The following CACNA2D4 variants were observed in gnomAD, a reference collection of about 807,000 sequenced individuals.
CACNA2D4 encodes the protein voltage-dependent calcium channel subunit alpha-2/delta-4.
In CACNA2D4, 157 loss-of-function variants were observed where a neutral mutation model predicts 163.8. The observed-to-expected ratio is 0.96, with a 90% confidence interval of 0.84 to 1.09. CACNA2D4 has a LOEUF of 1.09. Ranked by LOEUF, CACNA2D4 falls within the 50% of genes least tolerant of loss-of-function variation. The probability of loss-of-function intolerance (pLI) is 0.00; values close to 1 mark genes in which losing one functional copy is unlikely to be tolerated. For synonymous variants in CACNA2D4, 598 were observed against 586.9 expected, an observed-to-expected ratio of 1.02 and a Z score of -0.27; for missense variants, 1,410 against 1,479.9, an observed-to-expected ratio of 0.95 and a Z score of 0.78.
Position 1,800,447 on chromosome 12 carries a change from G to T in CACNA2D4, c.2869-9C>A. On this transcript the variant is annotated splice_polypyrimidine_tract_variant and intron_variant, in intron 31 of 37. Coordinates refer to ENST00000382722, the MANE Select transcript of CACNA2D4 (RefSeq NM_172364.5). ...AAGAAGGCAGAAATTGGCTGGGAAGGAGAGAGTGCACACCGCTCGCACCTA... is the reference window on the plus strand; with the variant it reads ...AAGAAGGCAGAAATTGGCTGGGAAGTAGAGAGTGCACACCGCTCGCACCTA... 6.2e-7 allele frequency: 1 copy of T among 1,613,748 alleles called. No individual in the cohort carries two copies. The highest frequency in any genetic ancestry group is 8.5e-7 in the Non-Finnish European group (1 of 1,179,776).
At chr12:1,796,969 C>T (rs1015400556) in intron 35 of CACNA2D4, among the ~76,000 whole-genome samples, 3 of 152,204 alleles carry the variant, frequency 2.0e-5, no homozygotes, top group Admixed American at 1.3e-4. Flanking sequence ...CGCACACTTC[C>T]GGCCTTCTCT....
intron 37 of CACNA2D4, 33 bp downstream of exon 37, chr12:1,795,266 T>C (rs764726939): frequency 7.2e-5 from 116 of 1,601,428 alleles, no homozygotes; most frequent in Non-Finnish European, 9.6e-5. Context: ...GGGATGAAAA[T>C]CCAGCCCACC....
chr12:1,799,681 G>A lies in CACNA2D4; in HGVS notation c.2989C>T (p.His997Tyr). The A allele has an allele frequency of 2.5e-6, 4 of 1,572,264 alleles. No individual in the cohort carries two copies. The highest frequency in any genetic ancestry group is 3.5e-6 in the Non-Finnish European group (4 of 1,159,054). ...CCTCAGCTGGGCTACTTACAGTGAT[G>A]GAAGACACTTTTGGCTGGCCGGAAC... ...DRGAEAKSVF[H>Y]HSHKHKKQDP... The change falls in exon 34 of 38, where the codon CAT becomes TAT. Residue 997 changes from histidine (H) to tyrosine (Y), a missense_variant. Coordinates refer to ENST00000382722, the MANE Select transcript of CACNA2D4 (RefSeq NM_172364.5). The surrounding 1 kb of genome is among the most constrained non-coding windows in gnomAD (Gnocchi z 4.7).
chr12:1,842,290 CACTG>C (rs1312056371), intron 25 of CACNA2D4, among the ~76,000 whole-genome samples: 1 of 152,182 alleles, frequency 6.6e-6, no homozygotes, highest in African/African-American at 2.4e-5. Context: ...GGTTTCTAGG[CACTG>C]ACTGCACAAT....
chr12:1,794,600 CACTCA>C (rs1271500263), intron 37 of CACNA2D4, among the ~76,000 whole-genome samples: 1 of 152,132 alleles, frequency 6.6e-6, no homozygotes, highest in Non-Finnish European at 1.5e-5. Flanking sequence ...TAGCGTGGCT[CACTCA>C]ACTCAGGAAG....
chr12:1,844,317 C>T lies in CACNA2D4; in HGVS notation c.2470+85G>A. ...GACATTCTATTCCATATCTCGTTCC[C>T]ATTTCCCACTAAGAGCACAGCAGGA... On this transcript the variant is annotated intron_variant, in intron 25 of 37. Transcript: ENST00000382722. The surrounding 1 kb of genome is among the most constrained non-coding windows in gnomAD (Gnocchi z 4.2). The T allele has an allele frequency of 4.0e-6, 6 of 1,495,462 alleles. No individual in the cohort carries two copies. The highest frequency in any genetic ancestry group is 5.5e-6 in the Non-Finnish European group (6 of 1,095,136). 92.6% of individuals were successfully genotyped at this position (1,495,462 alleles called of 1,614,324 possible). A position where few individuals can be genotyped will look rare whatever the true frequency, so the allele number is the denominator to read the frequency against.
intron 3 of CACNA2D4, among the ~76,000 whole-genome samples, chr12:1,910,259 G>A (rs1866781154): frequency 6.6e-6 from 1 of 152,268 alleles, no homozygotes; most frequent in Non-Finnish European, 1.5e-5. Flanking sequence ...GGGAGATAGA[G>A]AAGATAAGTG....
intron 20 of CACNA2D4, among the ~76,000 whole-genome samples, chr12:1,858,009 G>A (rs1008616015): frequency 6.6e-6 from 1 of 152,206 alleles, no homozygotes; most frequent in Non-Finnish European, 1.5e-5. Flanking sequence ...AAGACGAGGA[G>A]CACCTGAGGC....
intron 26 of CACNA2D4, chr12:1,823,420 GGCT>G (rs143159259): frequency 0.037 from 5,659 of 152,430 alleles, 198 homozygotes; most frequent in African/African-American, 0.086. Flanking sequence ...GAGTGCGTGC[GGCT>G]GTTCCGTGCT....
At chr12:1,850,477 A>C (rs970361014) in intron 23 of CACNA2D4, among the ~76,000 whole-genome samples, 3 of 152,228 alleles carry the variant, frequency 2.0e-5, no homozygotes, top group Non-Finnish European at 2.9e-5. Context: ...CTTTGTCGTG[A>C]ATACATAATA....
At position 1,856,064 on chromosome 12, in the gene CACNA2D4, G is replaced by A; in HGVS notation, c.2100C>T (p.Ser700=). The A allele has an allele frequency of 6.2e-7, 1 of 1,614,022 alleles. No homozygotes were observed. Among genetic ancestry groups the A allele is most frequent in the African/African-American group, 1.3e-5 (1 of 75,060 alleles). Residue 700 remains serine, a synonymous_variant, in exon 22 of 38, where the codon AGC becomes AGT. Coordinates refer to ENST00000382722, the MANE Select transcript of CACNA2D4 (RefSeq NM_172364.5). The part of the protein sequence containing the change: ...TDIDPDHRKL[S]QLEAMIRFLT... ...GGAAGCGGATCATGGCCTCTAGCTG[G>A]CTGAGCTTCCGGTGGTCTGGGTCAA... is the stretch of plus-strand genomic sequence containing the variant.
intron 26 of CACNA2D4, among the ~76,000 whole-genome samples, chr12:1,815,952 C>T (rs1027935828): frequency 5.3e-5 from 8 of 152,196 alleles, no homozygotes; most frequent in South Asian, 2.1e-4. Flanking sequence ...CGGTGAGGCA[C>T]GGAAATATAT....
In CACNA2D4 at chr12:1,799,430, C is replaced by T. The variant is rs1022581535; in HGVS notation, c.2995+245G>A. On this transcript the variant is annotated intron_variant, in intron 34 of 37. Transcript: ENST00000382722. This position sits in a 1 kb window ranked among gnomAD's most constrained non-coding sequence, Gnocchi z 4.7. ...CCACCGGCTTCCTCTTGGAATCTTACGTGTTCTCACCCAAGGGGAGGCTGG... is the reference window on the plus strand; with the variant it reads ...CCACCGGCTTCCTCTTGGAATCTTATGTGTTCTCACCCAAGGGGAGGCTGG... 4.6e-5 allele frequency among the ~76,000 whole-genome samples: 7 copies of T among 152,332 alleles called. No individual in the cohort carries two copies. Among genetic ancestry groups the T allele is most frequent in the South Asian group, 2.1e-4 (1 of 4,830 alleles).
In CACNA2D4 at chr12:1,856,022, T is replaced by C; in HGVS notation, c.2142A>G (p.Pro714=). 1.2e-6 allele frequency: 2 copies of C among 1,613,608 alleles called. No individual in the cohort carries two copies. Among genetic ancestry groups the C allele is most frequent in the East Asian group, 4.5e-5 (2 of 44,886 alleles). ...GCGGCCAGCACTCACACTCCAGGTC[T>C]GGGTCCTTCCTGGTGAGGAAGCGGA... ...AMIRFLTRKD[P]DLECDEELVR... The change falls in exon 22 of 38, where the codon CCA becomes CCG. Residue 714 remains proline, a synonymous_variant. Coordinates refer to ENST00000382722, the MANE Select transcript of CACNA2D4 (RefSeq NM_172364.5).
At chr12:1,864,948 C>T (rs1330025470) in intron 18 of CACNA2D4, among the ~76,000 whole-genome samples, 5 of 152,162 alleles carry the variant, frequency 3.3e-5, no homozygotes, top group African/African-American at 1.2e-4. Flanking sequence ...CAACCGGAAG[C>T]CCAGGACCGT....
At chr12:1,822,627 G>A (rs1170725387) in intron 26 of CACNA2D4, among the ~76,000 whole-genome samples, 1 of 152,246 alleles carries the variant, frequency 6.6e-6, no homozygotes, top group South Asian at 2.1e-4. Context: ...GGAAACGGGG[G>A]TGCAGGAGGC....
chr12:1,915,880 C>T (rs149964362), intron 1 of CACNA2D4, among the ~76,000 whole-genome samples: 102 of 152,360 alleles, frequency 6.7e-4, no homozygotes, highest in African/African-American at 2.3e-3. Flanking sequence ...TATCAAGGTC[C>T]TACCATGTGG....
intron 29 of CACNA2D4, among the ~76,000 whole-genome samples, chr12:1,807,975 ATGAGT>A (rs1215300671): frequency 6.6e-6 from 1 of 152,338 alleles, no homozygotes; most frequent in Admixed American, 6.5e-5. Flanking sequence ...ATGGGGGTGA[ATGAGT>A]TAAGTCAACA....
At chr12:1,914,962 A>C (rs774576318) in intron 1 of CACNA2D4, 27 bp from the exon 2 acceptor site, 6 of 1,512,262 alleles carry the variant, frequency 4.0e-6, no homozygotes, top group Admixed American at 1.7e-5. Context: ...GGACACGCGT[A>C]TACACACACG....
Sources: allele counts gnomAD v4.1 joint callset (sites outside exome capture counted in the v4.1 genomes callset), GRCh38; gene constraint gnomAD v4.1.1; non-coding constraint Gnocchi (gnomAD v3.1); transcripts MANE v1.5; gene names NCBI Gene and HGNC (gene_info 2026-07-23, HGNC 2026-07-21).